Variants in FHL1 observed in about 807,000 individuals in gnomAD.
FHL1 encodes the protein four and a half LIM domains protein 1.
FHL1 carries 1 observed loss-of-function variant against 20.3 expected under a neutral mutation model. The ratio of observed to expected loss-of-function variants is 0.05; its 90% confidence interval spans 0.02 to 0.23. The LOEUF is 0.23. Ranked by LOEUF, FHL1 falls within the 10% of genes least tolerant of loss-of-function variation. FHL1 has a pLI of 1.00. For missense variants in FHL1, 177 were observed against 234.0 expected, an observed-to-expected ratio of 0.76 and a Z score of 1.59; for synonymous variants, 82 against 88.9, an observed-to-expected ratio of 0.92 and a Z score of 0.44.
chrX:136,186,016 T>C (rs1203968093), intron 2 of FHL1, among the ~76,000 whole-genome samples: 1 of 111,781 alleles, frequency 8.9e-6, no homozygotes, highest in Non-Finnish European at 1.9e-5. Flanking sequence ...GAAGACAGCA[T>C]GAACATTTGA....
At position 136,211,191 on chromosome X, in the gene FHL1, G is replaced by C; in HGVS notation, c.*1166G>C. ...GTATTCTACATTATTATATGACATAGTATAATGAGACAATATCAAAAGTAA... is the reference window on the plus strand; with the variant it reads ...GTATTCTACATTATTATATGACATACTATAATGAGACAATATCAAAAGTAA... On this transcript the variant is annotated 3_prime_UTR_variant, in exon 6 of 6. Coordinates refer to ENST00000370683, the MANE Select transcript of FHL1 (RefSeq NM_001159699.2). 1 of 365,102 alleles carries C rather than the reference G, an allele frequency of 2.7e-6. No individual in the cohort carries two copies. The highest frequency in any genetic ancestry group is 5.2e-6 in the Non-Finnish European group (1 of 191,462). The allele number at this position is 365,102 out of a possible 1,213,427, so 30.1% of individuals were successfully genotyped here.
At chrX:136,196,754 A>T, upstream of FHL1, 2 of 1,097,251 alleles carry the variant, frequency 1.8e-6, no homozygotes, top group Non-Finnish European at 2.4e-6. Context: ...AGGTTGGCTC[A>T]GCGTTAAGCT....
intron 2 of FHL1, among the ~76,000 whole-genome samples, chrX:136,185,449 T>C (rs1603259699): frequency 1.8e-5 from 2 of 112,338 alleles, no homozygotes; most frequent in Non-Finnish European, 3.8e-5. Context: ...AACGGTCTCA[T>C]CTATTAAGCT....
rs756211871 is a variant in FHL1 at position 136,210,246 on chromosome X, C to T, written c.*221C>T. On this transcript the variant is annotated 3_prime_UTR_variant, in exon 6 of 6. Transcript: ENST00000370683. ...CCCTGCAGCAAAGTGAATTTCTGTCCGGCTGCAATTTAAAAATGAAAACTT... is the reference window on the plus strand; with the variant it reads ...CCCTGCAGCAAAGTGAATTTCTGTCTGGCTGCAATTTAAAAATGAAAACTT... 61 of 523,923 alleles carry T rather than the reference C, an allele frequency of 1.2e-4. No individual in the cohort carries two copies. The highest frequency in any genetic ancestry group is 2.1e-4 in the African/African-American group (9 of 43,543). The allele number at this position is 523,923 out of a possible 1,213,427, so 43.2% of individuals were successfully genotyped here.
At chrX:136,187,714 C>G (rs1203840871) in intron 2 of FHL1, among the ~76,000 whole-genome samples, 1 of 111,158 alleles carries the variant, frequency 9.0e-6, no homozygotes, top group Non-Finnish European at 1.9e-5. Context: ...GTGGGGTATG[C>G]AGAGTGATGG....
chrX:136,210,002 C>T lies in FHL1; in HGVS notation c.868C>T (p.Pro290Ser), dbSNP rs1039991254. The T allele has an allele frequency of 8.3e-7, 1 of 1,210,997 alleles. No homozygotes were observed. The highest frequency in any genetic ancestry group is 1.1e-6 in the Non-Finnish European group (1 of 895,381). Residue 290 changes from proline to serine, a missense_variant, in exon 6 of 6, where the codon CCC (proline) becomes TCC (serine). By Grantham distance (74) the Pro-to-Ser change is moderately conservative (BLOSUM62 -1). Coordinates refer to ENST00000370683, the MANE Select transcript of FHL1 (RefSeq NM_001159699.2). ...TTTCCACCAGGAGCAAGTGTATTGT[C>T]CCGACTGTGCCAAAAAGCTGTAAAC... Reference protein sequence around the residue: ...FVFHQEQVYCPDCAKKL With the variant: ...FVFHQEQVYCSDCAKKL
intron 2 of FHL1, among the ~76,000 whole-genome samples, chrX:136,188,113 C>T (rs1380683076): frequency 8.9e-6 from 1 of 112,476 alleles, no homozygotes; most frequent in Admixed American, 9.4e-5. Flanking sequence ...CATATTATCT[C>T]TATAATGACA....
intron 1 of FHL1, among the ~76,000 whole-genome samples, chrX:136,159,551 C>T (rs1359540867): frequency 2.7e-5 from 3 of 111,476 alleles, no homozygotes; most frequent in Non-Finnish European, 5.7e-5. Context: ...TAAATAAATA[C>T]ATAAATAAAT....
chrX:136,207,838 C>T lies in FHL1; in HGVS notation c.426C>T (p.Cys142=), dbSNP rs748950675. The T allele has an allele frequency of 8.3e-7, 1 of 1,212,101 alleles. No homozygotes were observed. Among genetic ancestry groups the T allele is most frequent in the Non-Finnish European group, 1.1e-6 (1 of 895,566 alleles). The part of the protein sequence containing the change: ...EYKGTVWHKD[C]FTCSNCKQVI... ...AGGGGACCGTCTGGCACAAAGACTG[C>T]TTCACCTGTAGTAACTGCAAGCAAG... Residue 142 remains cysteine (C), a synonymous_variant, in exon 4 of 6, where the codon TGC becomes TGT. Transcript: ENST00000370683.
In FHL1 at chrX:136,153,747, A is replaced by G. The variant is rs746448204; in HGVS notation, c.-101+6119A>G. ...CCCAAAATTAATGACAATATTTTGT[A>G]TGTCCTTTAAAAATGGAGTACTTTC... On this transcript the variant is annotated intron_variant, in intron 1 of 7. Transcript: ENST00000394155. Among the ~76,000 whole-genome samples the G allele has an allele frequency of 6.9e-4, 78 of 112,518 alleles. 1 individual carries two copies. Among genetic ancestry groups the G allele is most frequent in the Middle Eastern group, 4.6e-3 (1 of 216 alleles).
chrX:136,170,967 C>T (rs1412327331), intron 2 of FHL1, among the ~76,000 whole-genome samples: 1 of 111,808 alleles, frequency 8.9e-6, no homozygotes, highest in African/African-American at 3.3e-5. Flanking sequence ...ACAGAATTCT[C>T]CCCAGGTTTT....
At chrX:136,196,955 G>A, upstream of FHL1, 1 of 1,049,948 alleles carries the variant, frequency 9.5e-7, no homozygotes, top group South Asian at 2.0e-5. Flanking sequence ...GTGGGATTAA[G>A]GTTGTGATCT....
At chrX:136,208,961 G>A (rs1171706651) in intron 5 of FHL1, among the ~76,000 whole-genome samples, 5 of 104,028 alleles carry the variant, frequency 4.8e-5, no homozygotes, top group African/African-American at 1.8e-4. Flanking sequence ...TAGAAAGAAG[G>A]GGGTGGGGGA....
In FHL1 at chrX:136,207,152, C is replaced by A. The variant is rs766641559; in HGVS notation, c.341C>A (p.Ser114Tyr). The A allele has an allele frequency of 1.7e-6, 2 of 1,209,428 alleles. No individual in the cohort carries two copies. Among genetic ancestry groups the A allele is most frequent in the Admixed American group, 2.2e-5 (1 of 46,047 alleles). ...LCNKCTTREDSPKCKGCFKAI... is the reference protein window; with the variant it reads ...LCNKCTTREDYPKCKGCFKAI... ...AACAAGTGCACCACTCGGGAGGACT[C>A]CCCCAAGTGCAAGGGGTGCTTCAAG... Residue 114 changes from serine (S) to tyrosine (Y), a missense_variant, in exon 3 of 6, where the codon TCC (serine) becomes TAC (tyrosine). Transcript: ENST00000370683.
chrX:136,209,920 C>G lies in FHL1; in HGVS notation c.786C>G (p.His262Gln). The change falls in exon 6 of 6, where the codon CAC (histidine) becomes CAG (glutamine). Residue 262 changes from histidine to glutamine, a missense_variant. His to Gln is a conservative substitution (Grantham distance 24). Transcript: ENST00000370683. The stretch of plus-strand genomic sequence containing the variant: ...TGGCCTATGAAGGACAATCCTGGCA[C>G]GACTACTGCTTCCACTGCAAAAAAT... ...SVVAYEGQSW[H>Q]DYCFHCKKCS... 8.3e-7 allele frequency: 1 copy of G among 1,211,192 alleles called. No individual in the cohort carries two copies. Among genetic ancestry groups the G allele is most frequent in the Admixed American group, 2.2e-5 (1 of 45,986 alleles).
intron 1 of FHL1, among the ~76,000 whole-genome samples, chrX:136,199,768 T>C (rs73633450): frequency 0.021 from 2,343 of 112,210 alleles, 53 homozygotes; most frequent in African/African-American, 0.072. Context: ...ACACCCTTCA[T>C]GGAAAACACA....
upstream of FHL1, chrX:136,167,037 AGCTGTGCCCTGCT>A (rs2072729498): frequency 9.0e-6 from 1 of 111,185 alleles, no homozygotes; most frequent in Non-Finnish European, 1.9e-5. Context: ...TGCTGTGAAG[AGCTGTGCCCTGCT>A]GCATTCCTCC....
chrX:136,169,866 G>T (rs2072813299), intron 1 of FHL1: 1 of 329,620 alleles, frequency 3.0e-6, no homozygotes, highest in Admixed American at 3.1e-5. Flanking sequence ...TTCTAAAAAG[G>T]TAACTTTGCC....
intron 2 of FHL1, among the ~76,000 whole-genome samples, chrX:136,177,748 C>G (rs1363871261): frequency 8.9e-6 from 1 of 112,128 alleles, no homozygotes; most frequent in African/African-American, 3.2e-5. Context: ...AAGTTTAGTT[C>G]AAGCCCAATA....
Sources: allele counts gnomAD v4.1 joint callset (sites outside exome capture counted in the v4.1 genomes callset), GRCh38; gene constraint gnomAD v4.1.1; transcripts MANE v1.5; gene names NCBI Gene and HGNC (gene_info 2026-07-23, HGNC 2026-07-21).